The following EPHX2 variants were observed in gnomAD, a reference collection of about 807,000 sequenced individuals.
The protein encoded by EPHX2 is bifunctional epoxide hydrolase 2.
EPHX2 carries 74 observed loss-of-function variants against 78.7 expected under a neutral mutation model. The observed-to-expected ratio is 0.94, with a 90% CI of 0.78 to 1.14. The LOEUF (loss-of-function observed/expected upper bound fraction) is 1.14. Among genes scored for constraint, EPHX2 ranks in the 50% most tolerant of loss-of-function variants. EPHX2 has a pLI of 0.00. For missense variants in EPHX2, 715 were observed against 702.5 expected (o/e 1.02, Z -0.20); for synonymous variants, 251 against 255.2 (o/e 0.98, Z 0.16).
chr8:27,514,115 C>T (rs549496361), intron 6 of EPHX2, among the ~76,000 whole-genome samples: 13 of 152,188 alleles, frequency 8.5e-5, no homozygotes, highest in African/African-American at 2.2e-4. Context: ...GCCAGGAGTT[C>T]GAGACCAGCC....
At chr8:27,525,751 G>A (rs1015176251) in intron 12 of EPHX2, among the ~76,000 whole-genome samples, 1 of 152,116 alleles carries the variant, frequency 6.6e-6, no homozygotes, top group African/African-American at 2.4e-5. Flanking sequence ...AGAGTTTTGG[G>A]GCTCAATGCT....
At chr8:27,508,043 G>A (rs1448044531) in intron 5 of EPHX2, among the ~76,000 whole-genome samples, 1 of 152,194 alleles carries the variant, frequency 6.6e-6, no homozygotes, top group Non-Finnish European at 1.5e-5. Context: ...GCTCACTCCT[G>A]TAATCACAGC....
chr8:27,524,282 G>A (rs1024998685), intron 11 of EPHX2, among the ~76,000 whole-genome samples: 4 of 152,222 alleles, frequency 2.6e-5, no homozygotes, highest in African/African-American at 4.8e-5. Context: ...CAGGTGATAA[G>A]TCAGTGGTCT....
Position 27,503,594 on chromosome 8 carries a change from A to G in EPHX2, c.187-10A>G, listed in dbSNP as rs756453865. 8 of 1,603,852 alleles carry G rather than the reference A, an allele frequency of 5.0e-6. No homozygotes were observed. Among genetic ancestry groups the G allele is most frequent in the Non-Finnish European group, 6.0e-6 (7 of 1,174,374 alleles). ...GCCATACAAATTGTCCCCTCACTTCACTTTGACAGTGGATACCACTCATGG... is the reference window on the plus strand; with the variant it reads ...GCCATACAAATTGTCCCCTCACTTCGCTTTGACAGTGGATACCACTCATGG... On this transcript the variant is annotated splice_polypyrimidine_tract_variant and intron_variant, in intron 2 of 18. Transcript: ENST00000521400.
In EPHX2 at chr8:27,544,535, G is replaced by A. The variant is rs749303575; in HGVS notation, c.*13G>A. ...CTCAAAGATGTAGAACGCAGCGTGTGCCCACGCTCAGCAGGTGTGCCATCC... is the reference window on the plus strand; with the variant it reads ...CTCAAAGATGTAGAACGCAGCGTGTACCCACGCTCAGCAGGTGTGCCATCC... On this transcript the variant is annotated 3_prime_UTR_variant, in exon 19 of 19. Transcript: ENST00000521400. The A allele has an allele frequency of 1.1e-5, 18 of 1,613,028 alleles. No individual in the cohort carries two copies. The highest frequency in any genetic ancestry group is 1.4e-5 in the Non-Finnish European group (17 of 1,179,958).
intron 6 of EPHX2, among the ~76,000 whole-genome samples, chr8:27,513,000 C>T (rs533446252): frequency 1.3e-5 from 2 of 152,204 alleles, no homozygotes; most frequent in East Asian, 3.9e-4. Flanking sequence ...CCTTGGGGAC[C>T]CTTGCTGTCC....
At chr8:27,535,390 G>A (rs1815179410) in intron 12 of EPHX2, among the ~76,000 whole-genome samples, 2 of 152,044 alleles carry the variant, frequency 1.3e-5, no homozygotes, top group South Asian at 4.1e-4. Flanking sequence ...GGCCAGGCCG[G>A]TCTCAAACTC....
At chr8:27,522,369 C>T (rs1414506774) in intron 10 of EPHX2, 54 bp from the exon 11 acceptor site, 2 of 1,583,836 alleles carry the variant, frequency 1.3e-6, no homozygotes, top group Non-Finnish European at 1.7e-6. Flanking sequence ...AACCTCTCAG[C>T]ACCCCGTTCC....
chr8:27,521,027 G>A (rs1814626556), intron 10 of EPHX2, 118 bp downstream of exon 10: 6 of 1,211,662 alleles, frequency 5.0e-6, no homozygotes, highest in African/African-American at 1.5e-5. Flanking sequence ...TTTTGGGGCA[G>A]TTTAGGGCAG....
chr8:27,531,649 C>G (rs762840859), intron 12 of EPHX2, among the ~76,000 whole-genome samples: 16 of 152,180 alleles, frequency 1.1e-4, no homozygotes, highest in Admixed American at 2.0e-4. Flanking sequence ...CATCCTTTGG[C>G]GTTACTTGTA....
chr8:27,510,457 C>G (rs1563346487), intron 5 of EPHX2, among the ~76,000 whole-genome samples: 1 of 152,174 alleles, frequency 6.6e-6, no homozygotes, highest in Non-Finnish European at 1.5e-5. Flanking sequence ...CCCTCACGGA[C>G]TCCTGAGAAC....
chr8:27,499,421 AT>A (rs1169234833), intron 1 of EPHX2, among the ~76,000 whole-genome samples: 9 of 152,326 alleles, frequency 5.9e-5, no homozygotes, highest in African/African-American at 2.2e-4. Context: ...GATATTAGGT[AT>A]ATGTCTCCAT....
downstream of EPHX2, among the ~76,000 whole-genome samples, chr8:27,547,640 G>A (rs990590706): frequency 6.6e-6 from 1 of 152,044 alleles, no homozygotes; most frequent in Non-Finnish European, 1.5e-5. Context: ...GCTATACAAC[G>A]CTAGAACTTA....
In EPHX2 at chr8:27,543,970, T is replaced by TC. The variant is rs1314686538; in HGVS notation, c.1530+147dup. The TC allele has an allele frequency of 2.8e-5, 28 of 991,874 alleles. No homozygotes were observed. In the East Asian group the frequency reaches 6.4e-4, roughly 23 times the overall value. The allele number at this position is 991,874 out of a possible 1,614,324, so 61.4% of individuals were successfully genotyped here. The stretch of plus-strand genomic sequence containing the variant: ...AAGCACATCATCAGTAACATCACTG[T>TC]CCCCCCATTGCAAGCAGCAACCGTG... On this transcript the variant is annotated intron_variant, in intron 17 of 18. Coordinates refer to ENST00000521400, the MANE Select transcript of EPHX2 (RefSeq NM_001979.6).
chr8:27,547,484 T>C (rs1471143208), downstream of EPHX2, among the ~76,000 whole-genome samples: 1 of 152,234 alleles, frequency 6.6e-6, no homozygotes, highest in Non-Finnish European at 1.5e-5. Flanking sequence ...TAGTGATGTT[T>C]TGATACATAT....
At chr8:27,533,021 G>A (rs1275882618) in intron 12 of EPHX2, among the ~76,000 whole-genome samples, 4 of 152,070 alleles carry the variant, frequency 2.6e-5, no homozygotes, top group African/African-American at 4.8e-5. Flanking sequence ...AGACTGAAGC[G>A]AGAGCATCAC....
In EPHX2 at chr8:27,530,577, A is replaced by G. The variant is rs147250190; in HGVS notation, c.1170+5104A>G. 2.7e-3 allele frequency among the ~76,000 whole-genome samples: 415 copies of G among 152,082 alleles called. 1 individual carries two copies. The highest frequency in any genetic ancestry group is 5.0e-3 in the Non-Finnish European group (339 of 67,988). On this transcript the variant is annotated intron_variant, in intron 12 of 18. Coordinates refer to ENST00000521400, the MANE Select transcript of EPHX2 (RefSeq NM_001979.6). The stretch of plus-strand genomic sequence containing the variant: ...CAGATTTTTTTGTCAGCACATATAG[A>G]TTTATCTCATTCTTTTTAATGGCTG...
chr8:27,491,272 G>T lies in EPHX2; in HGVS notation c.64G>T (p.Val22Phe). The T allele has an allele frequency of 6.3e-7, 1 of 1,578,506 alleles. No individual in the cohort carries two copies. ...GVLALPAVFGVLGRTEEALAL... is the reference protein window; with the variant it reads ...GVLALPAVFGFLGRTEEALAL... ...GCTGGCGCTGCCAGCGGTGTTCGGC[G>T]TCCTCGGCCGCACGGAGGAGGCCCT... is the stretch of plus-strand genomic sequence containing the variant. Residue 22 changes from valine to phenylalanine, a missense_variant, in exon 1 of 19, where the codon GTC becomes TTC. By Grantham distance (50) the Val-to-Phe change is conservative. Transcript: ENST00000521400.
At chr8:27,533,858 G>A (rs191397870) in intron 12 of EPHX2, among the ~76,000 whole-genome samples, 91 of 152,278 alleles carry the variant, frequency 6.0e-4, no homozygotes, top group Non-Finnish European at 1.1e-3. Flanking sequence ...GAAGTGCTGG[G>A]ATTACAGGCT....
Sources: allele counts gnomAD v4.1 joint callset (sites outside exome capture counted in the v4.1 genomes callset), GRCh38; gene constraint gnomAD v4.1.1; transcripts MANE v1.5; gene names NCBI Gene and HGNC (gene_info 2026-07-23, HGNC 2026-07-21).